Variants in CNIH3 observed in about 807,000 individuals in gnomAD.
CNIH3 encodes the protein cornichon family AMPA receptor auxiliary protein 3.
A neutral mutation model predicts 24.1 loss-of-function variants in CNIH3; 14 were observed. The observed-to-expected ratio is 0.58, with a 90% CI of 0.38 to 0.91. The LOEUF is 0.91. Ranked by LOEUF, CNIH3 falls within the 40% of genes least tolerant of loss-of-function variation. CNIH3 has a pLI of 0.00. For missense variants in CNIH3, 178 were observed against 196.8 expected, an observed-to-expected ratio of 0.90 and a Z score of 0.57; for synonymous variants, 68 against 73.8, an observed-to-expected ratio of 0.92 and a Z score of 0.40.
chr1:224,670,884 C>T (rs763613718), intron 1 of CNIH3, among the ~76,000 whole-genome samples: 6 of 152,222 alleles, frequency 3.9e-5, no homozygotes, highest in East Asian at 1.9e-4. Flanking sequence ...TGTGGCCAAA[C>T]GTTATTCTGG....
At chr1:224,567,995 A>G (rs1456114691) in intron 4 of CNIH3, among the ~76,000 whole-genome samples, 1 of 152,150 alleles carries the variant, frequency 6.6e-6, no homozygotes, top group Non-Finnish European at 1.5e-5. Context: ...ATTTGTTTTA[A>G]AATATTTATA....
At chr1:224,549,625 A>G (rs1161321450) in intron 3 of CNIH3, among the ~76,000 whole-genome samples, 1 of 152,162 alleles carries the variant, frequency 6.6e-6, no homozygotes, top group East Asian at 1.9e-4. Context: ...TCAGAAATAT[A>G]GTATGTAATA....
chr1:224,639,901 A>G (rs1572638575), intron 1 of CNIH3, among the ~76,000 whole-genome samples: 1 of 152,328 alleles, frequency 6.6e-6, no homozygotes, highest in South Asian at 2.1e-4. Flanking sequence ...ATAAGACTCC[A>G]AGATATCCCA....
intron 2 of CNIH3, among the ~76,000 whole-genome samples, chr1:224,681,411 G>T (rs989825137): frequency 6.6e-6 from 1 of 152,188 alleles, no homozygotes; most frequent in African/African-American, 2.4e-5. Flanking sequence ...CTCCACCTGG[G>T]CACCAAGTGG....
intron 1 of CNIH3, among the ~76,000 whole-genome samples, chr1:224,635,445 G>C (rs1439383621): frequency 2.6e-5 from 4 of 152,276 alleles, no homozygotes; most frequent in African/African-American, 9.6e-5. Context: ...AATAAAGTTT[G>C]GTGTGGCAAG....
At chr1:224,738,285 T>G (rs1199306674) in intron 5 of CNIH3, among the ~76,000 whole-genome samples, 1 of 152,226 alleles carries the variant, frequency 6.6e-6, no homozygotes, top group African/African-American at 2.4e-5. Context: ...GGTATCCACT[T>G]GAGGCTTAGT....
intron 1 of CNIH3, among the ~76,000 whole-genome samples, chr1:224,444,207 A>G (rs1164041264): frequency 2.6e-5 from 4 of 152,110 alleles, no homozygotes; most frequent in African/African-American, 9.7e-5. Flanking sequence ...TTTTGAAAAT[A>G]TTGCCTTAAT....
chr1:224,709,204 G>A (rs753298988), intron 3 of CNIH3, among the ~76,000 whole-genome samples: 1 of 152,156 alleles, frequency 6.6e-6, no homozygotes, highest in Non-Finnish European at 1.5e-5. Context: ...CTCCTCCAAC[G>A]CTGAAGCATC....
At chr1:224,486,639 G>A (rs1291360929) in intron 1 of CNIH3, among the ~76,000 whole-genome samples, 1 of 152,084 alleles carries the variant, frequency 6.6e-6, no homozygotes, top group Non-Finnish European at 1.5e-5. Flanking sequence ...GTGAATAAAA[G>A]CAAACTAGCA....
chr1:224,549,799 A>G (rs1193582821), intron 3 of CNIH3, among the ~76,000 whole-genome samples: 2 of 152,096 alleles, frequency 1.3e-5, no homozygotes, highest in Admixed American at 1.3e-4. Context: ...CATTATTATC[A>G]CAGTGCTTAC....
At chr1:224,723,317 G>A (rs1283093249) in intron 3 of CNIH3, among the ~76,000 whole-genome samples, 1 of 151,854 alleles carries the variant, frequency 6.6e-6, no homozygotes, top group Non-Finnish European at 1.5e-5. Context: ...CAGGGGTGCT[G>A]GTTTTGACCC....
At chr1:224,455,207 T>A (rs182862723) in intron 1 of CNIH3, among the ~76,000 whole-genome samples, 7 of 152,286 alleles carry the variant, frequency 4.6e-5, no homozygotes, top group Non-Finnish European at 8.8e-5. Context: ...AATGGTTGTA[T>A]GGGTACTCAA....
At chr1:224,722,567 G>A (rs1278605048) in intron 3 of CNIH3, among the ~76,000 whole-genome samples, 2 of 152,178 alleles carry the variant, frequency 1.3e-5, no homozygotes, top group African/African-American at 4.8e-5. Context: ...TGCTGGAGCA[G>A]GGACCACACT....
intron 2 of CNIH3, among the ~76,000 whole-genome samples, chr1:224,545,147 A>G (rs1372959047): frequency 6.6e-6 from 1 of 152,334 alleles, no homozygotes; most frequent in Admixed American, 6.5e-5. Flanking sequence ...TATATGTACA[A>G]ACGTATGTGT....
chr1:224,574,785 C>T (rs1329398745), intron 4 of CNIH3: 12 of 1,052,448 alleles, frequency 1.1e-5, no homozygotes, highest in Non-Finnish European at 1.5e-6. Context: ...CAGCTTCAAG[C>T]CTGGGAAGGA....
At chr1:224,730,198 A>C (rs1689248072) in intron 3 of CNIH3, 1 of 341,816 alleles carries the variant, frequency 2.9e-6, no homozygotes, top group Non-Finnish European at 5.4e-6. Context: ...CCCTAGGAGC[A>C]AGCGTGGTAT....
intron 4 of CNIH3, among the ~76,000 whole-genome samples, chr1:224,567,339 A>C (rs1423919907): frequency 6.6e-6 from 1 of 152,088 alleles, no homozygotes; most frequent in African/African-American, 2.4e-5. Context: ...TCTGATGATA[A>C]TTTCTTTTAC....
chr1:224,453,303 C>T (rs1235375034), intron 1 of CNIH3, among the ~76,000 whole-genome samples: 3 of 151,994 alleles, frequency 2.0e-5, no homozygotes, highest in Non-Finnish European at 4.4e-5. Flanking sequence ...CTTCGCCCTC[C>T]TGAGTAGCTG....
intron 4 of CNIH3, among the ~76,000 whole-genome samples, chr1:224,581,737 T>A (rs1681281777): frequency 6.6e-6 from 1 of 152,238 alleles, no homozygotes; most frequent in Non-Finnish European, 1.5e-5. Flanking sequence ...GTGACAGGAA[T>A]CATTTTTCTT....
Sources: allele counts gnomAD v4.1 joint callset (sites outside exome capture counted in the v4.1 genomes callset), GRCh38; gene constraint gnomAD v4.1.1; transcripts MANE v1.5; gene names NCBI Gene and HGNC (gene_info 2026-07-23, HGNC 2026-07-21).